Variants in GPANK1 observed in about 807,000 individuals in gnomAD.
The protein encoded by GPANK1 is G patch domain and ankyrin repeat-containing protein 1.
In GPANK1, 22 loss-of-function variants were observed where a neutral mutation model predicts 24.0. The ratio of observed to expected loss-of-function variants is 0.92; its 90% CI spans 0.66 to 1.31. The LOEUF is 1.31. GPANK1 is among the 50% of genes most tolerant of loss of function. GPANK1 has a pLI of 0.00. For missense variants in GPANK1, 469 were observed against 453.5 expected, an observed-to-expected ratio of 1.03 and a Z score of -0.31; for synonymous variants, 174 against 177.4, an observed-to-expected ratio of 0.98 and a Z score of 0.15.
chr6:31,664,765 G>A, intron 1 of GPANK1, 76 bp downstream of exon 1: 1 of 449,458 alleles, frequency 2.2e-6, no homozygotes, highest in Non-Finnish European at 3.9e-6. Context: ...TCCTGCGTCC[G>A]GCCCCCACCC....
In GPANK1 at chr6:31,664,608, A is replaced by G. The variant is rs1801388133; in HGVS notation, c.-99-31T>C. ...GGGATGAGAAAAAGTAGTCAAAAAC[A>G]CTTTCCTGCCACTAAAGTAACCCCA... On this transcript the variant is annotated intron_variant, in intron 1 of 2. Transcript: ENST00000375896. 6.0e-6 allele frequency: 4 copies of G among 667,900 alleles called. No homozygotes were observed. The Admixed American group carries it at 1.2e-4, about 19-fold the overall frequency. 41.4% of individuals were successfully genotyped at this position (667,900 alleles called of 1,614,324 possible). A position where few individuals can be genotyped will look rare whatever the true frequency, so the allele number is the denominator to read the frequency against.
rs1160801550 is a variant in GPANK1 at position 31,662,756 on chromosome 6, G to A, written c.627-46C>T. The A allele has an allele frequency of 1.5e-6, 2 of 1,305,208 alleles. No homozygotes were observed. The highest frequency in any genetic ancestry group is 1.1e-6 in the Non-Finnish European group (1 of 933,686). The allele number at this position is 1,305,208 out of a possible 1,614,324, so 80.9% of individuals were successfully genotyped here. ...GCATTAAGGGCAGGGGAAGGAAAAG[G>A]GGAAGAGTTGAGGCCTCAGAGGGGG... On this transcript the variant is annotated intron_variant, in intron 2 of 2. Coordinates refer to ENST00000375896, the MANE Select transcript of GPANK1 (RefSeq NM_033177.4). This position sits in a 1 kb window ranked among gnomAD's most constrained non-coding sequence, Gnocchi z 5.5.
In GPANK1 at chr6:31,664,471, C is replaced by T. The variant is rs140434336; in HGVS notation, c.8G>A (p.Arg3Gln). Residue 3 changes from arginine (R) to glutamine (Q), a missense_variant, in exon 2 of 3, where the codon CGG becomes CAG. Coordinates refer to ENST00000375896, the MANE Select transcript of GPANK1 (RefSeq NM_033177.4). ...TGGGGTGAAGGTGATGAGCAAGGGC[C>T]GGGACATGGCTTTTGGGAGAACTGA... MS[R>Q]PLLITFTPAT... 1 of 1,606,776 alleles carries T rather than the reference C, an allele frequency of 6.2e-7. No individual in the cohort carries two copies. Among genetic ancestry groups the T allele is most frequent in the Non-Finnish European group, 8.5e-7 (1 of 1,175,864 alleles).
chr6:31,662,562 C>A lies in GPANK1; in HGVS notation c.775G>T (p.Gly259Cys). 6.2e-7 allele frequency: 1 copy of A among 1,613,048 alleles called. No homozygotes were observed. The highest frequency in any genetic ancestry group is 8.5e-7 in the Non-Finnish European group (1 of 1,180,008). ...CCCCCCCTCAGCAGCAGTTTGAAGC[C>A]CGGGCTGGAGATGGGCACCCCAAGT... Reference protein sequence around the residue: ...LPLGVPISSPGFKLLLRGGWE... With the variant: ...LPLGVPISSPCFKLLLRGGWE... Residue 259 changes from glycine to cysteine, a missense_variant, in exon 3 of 3, where the codon GGC (glycine) becomes TGC (cysteine). Gly to Cys is a radical substitution (Grantham distance 159). Coordinates refer to ENST00000375896, the MANE Select transcript of GPANK1 (RefSeq NM_033177.4). This position sits in a 1 kb window ranked among gnomAD's most constrained non-coding sequence, Gnocchi z 5.5.
At chr6:31,664,601 C>A (rs988720565) in intron 1 of GPANK1, 24 bp from the exon 2 acceptor site, 31 of 701,326 alleles carry the variant, frequency 4.4e-5, no homozygotes, top group Non-Finnish European at 5.9e-5. Flanking sequence ...AAAAAGTAGT[C>A]AAAAACACTT....
intron 2 of GPANK1, 114 bp downstream of exon 2, chr6:31,663,739 A>G (rs976897322): frequency 6.9e-7 from 1 of 1,458,672 alleles, no homozygotes; most frequent in Non-Finnish European, 9.1e-7. Context: ...CTGTCAACCT[A>G]CACATGAGGA....
At chr6:31,665,684 G>A, upstream of GPANK1, 1 of 814,520 alleles carries the variant, frequency 1.2e-6, no homozygotes, top group Non-Finnish European at 2.0e-6. Context: ...CAGCGGATTG[G>A]CCGAGGATAG....
upstream of GPANK1, chr6:31,665,801 C>A: frequency 8.4e-7 from 1 of 1,195,332 alleles, no homozygotes; most frequent in Non-Finnish European, 1.1e-6. Context: ...CTAAGTCAGC[C>A]TCTTCACCCA....
chr6:31,664,873 A>C lies in GPANK1; in HGVS notation c.-132T>G, dbSNP rs1300421976. ...AAAAAAAAATCAGCCTGGCCCTTTAAGTCTTCCGCGATCCCATTTCGGAGT... is the reference window on the plus strand; with the variant it reads ...AAAAAAAAATCAGCCTGGCCCTTTACGTCTTCCGCGATCCCATTTCGGAGT... On this transcript the variant is annotated 5_prime_UTR_variant, in exon 1 of 3. Coordinates refer to ENST00000375896, the MANE Select transcript of GPANK1 (RefSeq NM_033177.4). 8.4e-6 allele frequency: 2 copies of C among 237,524 alleles called. No homozygotes were observed. The highest frequency in any genetic ancestry group is 1.8e-4 in the East Asian group (2 of 11,254). The allele number at this position is 237,524 out of a possible 1,614,324, so 14.7% of individuals were successfully genotyped here.
At chr6:31,665,843 G>A, upstream of GPANK1, 1 of 1,158,222 alleles carries the variant, frequency 8.6e-7, no homozygotes, top group African/African-American at 1.6e-5. Flanking sequence ...CCAGACTCCC[G>A]GGCCCCGAAC....
chr6:31,664,261 CTTT>C lies in GPANK1; in HGVS notation c.215_217del (p.Lys72del). 6.2e-7 allele frequency: 1 copy of C among 1,614,100 alleles called. No homozygotes were observed. Among genetic ancestry groups the C allele is most frequent in the South Asian group, 1.1e-5 (1 of 91,086 alleles). ...TGCTGCTGGTGCCTTCATTATTCTT[CTTT>C]TCTTTCTCTTTCTTTCTCTGGCAGG... is the stretch of plus-strand genomic sequence containing the variant. On this transcript the variant is annotated inframe_deletion, in exon 2 of 3. Coordinates refer to ENST00000375896, the MANE Select transcript of GPANK1 (RefSeq NM_033177.4).
At chr6:31,663,677 T>C (rs977726643) in intron 2 of GPANK1, among the ~76,000 whole-genome samples, 176 bp downstream of exon 2, 1 of 152,248 alleles carries the variant, frequency 6.6e-6, no homozygotes, top group Admixed American at 6.5e-5. Flanking sequence ...GTAAGTGGAA[T>C]CAGGCTTTAA....
rs1237650475 is a variant in GPANK1 at position 31,662,614 on chromosome 6, C to T, written c.723G>A (p.Ser241=). The part of the protein sequence containing the change: ...RTSTAHLLSL[S]QGPQPPNLPL... ...GAAGGTTGGGAGGCTGAGGACCCTG[C>T]GACAGTGACAGCAGGTGAGCAGTGG... The change falls in exon 3 of 3, where the codon TCG becomes TCA. Residue 241 remains serine, a synonymous_variant. Coordinates refer to ENST00000375896, the MANE Select transcript of GPANK1 (RefSeq NM_033177.4). This position sits in a 1 kb window ranked among gnomAD's most constrained non-coding sequence, Gnocchi z 5.5. 1.2e-6 allele frequency: 2 copies of T among 1,612,752 alleles called. No individual in the cohort carries two copies. Among genetic ancestry groups the T allele is most frequent in the South Asian group, 1.1e-5 (1 of 91,072 alleles).
upstream of GPANK1, chr6:31,665,934 A>T: frequency 2.8e-6 from 3 of 1,062,240 alleles, no homozygotes; most frequent in Non-Finnish European, 2.3e-6. Flanking sequence ...CGTGACAGCC[A>T]GGTCGTGCGC....
At chr6:31,665,574 C>T, upstream of GPANK1, 2 of 1,368,006 alleles carry the variant, frequency 1.5e-6, no homozygotes, top group South Asian at 1.2e-5. Flanking sequence ...CAAGCCGCAC[C>T]TCTCCCCTCA....
In GPANK1 at chr6:31,662,538, C is replaced by A. The variant is rs367604820; in HGVS notation, c.799G>T (p.Gly267Cys). ...CCCAGCCCCATTCCTGGCTCCCAGC[C>A]CCCCCTCAGCAGCAGTTTGAAGCCC... ...SPGFKLLLRG[G>C]WEPGMGLGPR... Residue 267 changes from glycine (G) to cysteine (C), a missense_variant, in exon 3 of 3, where the codon GGC becomes TGC. Transcript: ENST00000375896. This position sits in a 1 kb window ranked among gnomAD's most constrained non-coding sequence, Gnocchi z 5.5. The A allele has an allele frequency of 1.1e-5, 18 of 1,612,826 alleles. No individual in the cohort carries two copies. Among genetic ancestry groups the A allele is most frequent in the East Asian group, 4.5e-5 (2 of 44,894 alleles).
upstream of GPANK1, chr6:31,665,527 GC>G: frequency 6.5e-7 from 1 of 1,537,034 alleles, no homozygotes; most frequent in Non-Finnish European, 8.8e-7. Flanking sequence ...TTCTCACACC[GC>G]CCACCCCACC....
At position 31,662,066 on chromosome 6, in the gene GPANK1, T is replaced by C. The variant is rs1399941154; in HGVS notation, c.*200A>G. On this transcript the variant is annotated 3_prime_UTR_variant, in exon 3 of 3. Transcript: ENST00000375896. The surrounding 1 kb of genome is among the most constrained non-coding windows in gnomAD (Gnocchi z 5.5). ...AGGCTTCTGTTTGGCTTCCTCAAAA[T>C]AGCTTCCAGAAAAGTGAATAAACCA... 4.7e-6 allele frequency: 2 copies of C among 426,282 alleles called. No homozygotes were observed. The highest frequency in any genetic ancestry group is 8.3e-6 in the Non-Finnish European group (2 of 242,092). 26.4% of individuals were successfully genotyped at this position (426,282 alleles called of 1,614,324 possible).
At position 31,662,763 on chromosome 6, in the gene GPANK1, G is replaced by C; in HGVS notation, c.627-53C>G. The C allele has an allele frequency of 1.3e-5, 15 of 1,163,426 alleles. No homozygotes were observed. The highest frequency in any genetic ancestry group is 1.9e-5 in the Non-Finnish European group (15 of 808,938). The allele number at this position is 1,163,426 out of a possible 1,614,324, so 72.1% of individuals were successfully genotyped here. A position where few individuals can be genotyped will look rare whatever the true frequency, so the allele number is the denominator to read the frequency against. On this transcript the variant is annotated intron_variant, in intron 2 of 2. Transcript: ENST00000375896. This position sits in a 1 kb window ranked among gnomAD's most constrained non-coding sequence, Gnocchi z 5.5. ...GGGCAGGGGAAGGAAAAGGGGAAGA[G>C]TTGAGGCCTCAGAGGGGGCTGGCAG... is the stretch of plus-strand genomic sequence containing the variant.
Sources: allele counts gnomAD v4.1 joint callset (sites outside exome capture counted in the v4.1 genomes callset), GRCh38; gene constraint gnomAD v4.1.1; non-coding constraint Gnocchi (gnomAD v3.1); transcripts MANE v1.5; gene names NCBI Gene and HGNC (gene_info 2026-07-23, HGNC 2026-07-21).